Variants in DMD observed in about 807,000 individuals in gnomAD.
DMD encodes the protein mutant dystrophin.
DMD carries 63 observed loss-of-function variants against 330.1 expected under a neutral mutation model. The observed-to-expected ratio is 0.19, with a 90% CI of 0.16 to 0.24. DMD has a LOEUF of 0.24. Ranked by LOEUF, DMD falls within the 10% of genes least tolerant of loss-of-function variation. DMD has a pLI of 1.00. For missense variants in DMD, 3,344 were observed against 2,684.1 expected (o/e 1.25, Z -5.43); for synonymous variants, 1,223 against 959.8 (o/e 1.27, Z -5.07).
At chrX:33,339,162 A>G in intron 1 of DMD, 1 of 931,859 alleles carries the variant, frequency 1.1e-6, no homozygotes, top group Non-Finnish European at 1.4e-6. Flanking sequence ...CTCGGCAACA[A>G]ACCCCAGCTA....
chrX:32,027,766 C>G (rs1417096933), intron 44 of DMD, among the ~76,000 whole-genome samples: 3 of 112,222 alleles, frequency 2.7e-5, no homozygotes, highest in African/African-American at 9.7e-5. Context: ...TACTAAAGGA[C>G]TGATGTAGCT....
chrX:31,593,634 G>A (rs1468282557), intron 55 of DMD, among the ~76,000 whole-genome samples: 2 of 110,718 alleles, frequency 1.8e-5, no homozygotes, highest in African/African-American at 6.5e-5. Context: ...CGTCATAAAA[G>A]TAGCTTTTTC....
intron 63 of DMD, among the ~76,000 whole-genome samples, chrX:31,249,573 C>G (rs5972350): frequency 0.26 from 28,209 of 110,248 alleles, 2,832 homozygotes; most frequent in East Asian, 0.47. Flanking sequence ...CAACACAGTA[C>G]AAAATGTATT....
chrX:31,558,390 G>A (rs1278621891), intron 55 of DMD, among the ~76,000 whole-genome samples: 1 of 111,126 alleles, frequency 9.0e-6, no homozygotes, highest in Non-Finnish European at 1.9e-5. Flanking sequence ...CGTGCGTGCA[G>A]ATCCCTTGGG....
At chrX:32,719,735 A>ATTTTTTTTTTTT (rs2066078432) in intron 7 of DMD, among the ~76,000 whole-genome samples, 1 of 109,663 alleles carries the variant, frequency 9.1e-6, no homozygotes. Context: ...TTTTTTTTTC[A>ATTTTTTTTTTTT]TTTATTTAGC....
chrX:32,806,394 T>A (rs1174331625), intron 7 of DMD, among the ~76,000 whole-genome samples: 6 of 110,322 alleles, frequency 5.4e-5, no homozygotes, highest in African/African-American at 1.7e-4. Context: ...CAATAAGAAG[T>A]CCTAACTATC....
chrX:32,440,921 T>C (rs769208407), intron 28 of DMD, among the ~76,000 whole-genome samples: 2 of 111,225 alleles, frequency 1.8e-5, no homozygotes, highest in South Asian at 7.5e-4. Flanking sequence ...TTTAATTAGG[T>C]GAAGCATCTA....
At chrX:31,524,371 G>A (rs1342879468) in intron 55 of DMD, among the ~76,000 whole-genome samples, 3 of 111,565 alleles carry the variant, frequency 2.7e-5, no homozygotes, top group Admixed American at 9.6e-5. Context: ...CTTTTATTGG[G>A]TCTCATCCTG....
chrX:31,599,055 G>C (rs907431807), intron 55 of DMD, among the ~76,000 whole-genome samples: 1 of 111,771 alleles, frequency 8.9e-6, no homozygotes, highest in African/African-American at 3.2e-5. Context: ...ATTTTCTGGA[G>C]TTATAAAATC....
chrX:32,565,712 C>T lies in DMD; in HGVS notation c.1982G>A (p.Ser661Asn). Residue 661 changes from serine to asparagine, a missense_variant, in exon 16 of 79, where the codon AGT (serine) becomes AAT (asparagine). Ser to Asn is a conservative substitution (Grantham distance 46). Transcript: ENST00000357033. ...ATTGGTATCACTAACCTGTGCTGTA[C>T]TCTTTTCAAGTTTTTGGACTAAATT... ...WDNLVQKLEK[S>N]TAQISQAVTT... 1 of 1,211,352 alleles carries T rather than the reference C, an allele frequency of 8.3e-7. No individual in the cohort carries two copies. Among genetic ancestry groups the T allele is most frequent in the Non-Finnish European group, 1.1e-6 (1 of 895,138 alleles).
intron 55 of DMD, among the ~76,000 whole-genome samples, chrX:31,544,882 A>T (rs755564568): frequency 9.0e-6 from 1 of 111,204 alleles, no homozygotes; most frequent in South Asian, 3.9e-4. Flanking sequence ...GGTTGACAAG[A>T]ATGGTTCTGA....
At chrX:32,285,594 G>A (rs1175283623) in intron 43 of DMD, among the ~76,000 whole-genome samples, 1 of 111,308 alleles carries the variant, frequency 9.0e-6, no homozygotes, top group Non-Finnish European at 1.9e-5. Context: ...GTTTGTATTT[G>A]TAGCATATAC....
chrX:31,542,071 T>C (rs774622706), intron 55 of DMD, among the ~76,000 whole-genome samples: 109 of 112,113 alleles, frequency 9.7e-4, no homozygotes, highest in African/African-American at 3.3e-3. Flanking sequence ...AACACTGTTC[T>C]GGACATTGTG....
chrX:32,728,905 A>G (rs748043737), intron 7 of DMD, among the ~76,000 whole-genome samples: 1 of 111,878 alleles, frequency 8.9e-6, no homozygotes, highest in Non-Finnish European at 1.9e-5. Context: ...GCCATGCCAA[A>G]CTGAAATACT....
At chrX:32,024,266 C>T (rs1000501754) in intron 44 of DMD, among the ~76,000 whole-genome samples, 8 of 110,467 alleles carry the variant, frequency 7.2e-5, no homozygotes, top group African/African-American at 2.0e-4. Context: ...GGGCGGACTG[C>T]CAGAGCTGAG....
rs536408147 is a variant in DMD, at chrX:31,281,378, T to TA, written c.9225-20363dup. Among the ~76,000 whole-genome samples the TA allele has an allele frequency of 1.4e-3, 160 of 110,488 alleles. 1 individual carries two copies. Among genetic ancestry groups the TA allele is most frequent in the African/African-American group, 4.0e-3 (121 of 30,479 alleles). ...TTCTCATCTAACCATCAAGCAGCCATAAAAAAAATGAAAATGAGGTGCATG... is the reference window on the plus strand; with the variant it reads ...TTCTCATCTAACCATCAAGCAGCCATAAAAAAAAATGAAAATGAGGTGCATG... On this transcript the variant is annotated intron_variant, in intron 62 of 78. Coordinates refer to ENST00000357033, the MANE Select transcript of DMD (RefSeq NM_004006.3).
intron 60 of DMD, among the ~76,000 whole-genome samples, chrX:31,381,849 C>G (rs1388719351): frequency 8.9e-6 from 1 of 111,832 alleles, no homozygotes; most frequent in Non-Finnish European, 1.9e-5. Flanking sequence ...ATCTGCTATT[C>G]TACTACTCCT....
chrX:32,630,938 A>G (rs752270763), intron 11 of DMD, among the ~76,000 whole-genome samples: 1 of 111,702 alleles, frequency 9.0e-6, no homozygotes, highest in South Asian at 3.8e-4. Context: ...TAGTCTTTGC[A>G]GTATCGGCTT....
intron 52 of DMD, among the ~76,000 whole-genome samples, chrX:31,685,838 C>A (rs111578208): frequency 2.7e-5 from 3 of 112,397 alleles, no homozygotes; most frequent in African/African-American, 9.7e-5. Flanking sequence ...TGCCTTTACC[C>A]CCTTGTGGTT....
Sources: gnomAD v4.1 joint callset for allele counts (sites outside exome capture counted in the v4.1 genomes callset) on GRCh38, gnomAD v4.1.1 for gene constraint, MANE v1.5 for transcripts, NCBI Gene and HGNC (gene_info 2026-07-23, HGNC 2026-07-21) for gene names.